CPPED1: variants seen among roughly 807,000 people sequenced by gnomAD.
CPPED1 encodes the protein serine/threonine-protein phosphatase CPPED1.
A neutral mutation model predicts 28.0 loss-of-function variants in CPPED1; 28 were observed. The observed-to-expected ratio is 1.00, with a 90% CI of 0.74 to 1.37. The LOEUF is 1.37. Ranked by LOEUF, CPPED1 falls within the 40% of genes most tolerant of loss-of-function variation. The pLI is 0.00. For missense variants in CPPED1, 504 were observed against 416.5 expected (o/e 1.21, Z -1.83); for synonymous variants, 198 against 180.2 (o/e 1.10, Z -0.79).
intron 2 of CPPED1, among the ~76,000 whole-genome samples, chr16:12,773,130 G>A (rs77513705): frequency 0.025 from 3,774 of 152,264 alleles, 97 homozygotes; most frequent in East Asian, 0.13. Context: ...CCAAACGAAA[G>A]AAGCCATTGT....
chr16:12,696,776 C>G (rs1031324242), intron 3 of CPPED1, among the ~76,000 whole-genome samples: 1 of 152,060 alleles, frequency 6.6e-6, no homozygotes, highest in Admixed American at 6.6e-5. Flanking sequence ...TATGACTCTC[C>G]TTAAGGGATA....
At chr16:12,794,342 A>C (rs2080614085) in intron 1 of CPPED1, among the ~76,000 whole-genome samples, 1 of 152,184 alleles carries the variant, frequency 6.6e-6, no homozygotes, top group African/African-American at 2.4e-5. Flanking sequence ...TGAATCAGAA[A>C]GAAGCCCAAA....
intron 2 of CPPED1, among the ~76,000 whole-genome samples, chr16:12,763,824 G>A (rs1053547126): frequency 6.6e-6 from 1 of 152,148 alleles, no homozygotes; most frequent in Non-Finnish European, 1.5e-5. Flanking sequence ...GACACAGTCT[G>A]AGCCTCAAAT....
intron 2 of CPPED1, among the ~76,000 whole-genome samples, chr16:12,768,871 T>TC (rs898011341): frequency 1.5e-4 from 22 of 151,030 alleles, no homozygotes; most frequent in Non-Finnish European, 2.5e-4. Context: ...CTTTTTCTTT[T>TC]TTTTTTTTTT....
At chr16:12,764,286 C>T (rs184176175) in intron 2 of CPPED1, among the ~76,000 whole-genome samples, 58 of 152,034 alleles carry the variant, frequency 3.8e-4, no homozygotes, top group African/African-American at 1.3e-3. Context: ...TTACTGCAAC[C>T]TCCACTTCCC....
chr16:12,792,522 C>T (rs1390150187), intron 1 of CPPED1, among the ~76,000 whole-genome samples: 2 of 152,082 alleles, frequency 1.3e-5, no homozygotes, highest in African/African-American at 2.4e-5. Flanking sequence ...CCACAGGAAT[C>T]CCCCCAGATA....
chr16:12,698,161 C>G (rs116260123), intron 3 of CPPED1, among the ~76,000 whole-genome samples: 1 of 152,098 alleles, frequency 6.6e-6, no homozygotes, highest in South Asian at 2.1e-4. Context: ...ACAAGTGATA[C>G]GGATATTACC....
chr16:12,691,850 C>G (rs113629475), intron 3 of CPPED1, among the ~76,000 whole-genome samples: 2 of 132,682 alleles, frequency 1.5e-5, no homozygotes, highest in African/African-American at 6.8e-5. Flanking sequence ...CATTAGGAGA[C>G]ATGCCTAATG....
chr16:12,723,178 G>A (rs1596460423), intron 2 of CPPED1, among the ~76,000 whole-genome samples: 1 of 152,278 alleles, frequency 6.6e-6, no homozygotes, highest in South Asian at 2.1e-4. Flanking sequence ...ACATACACAT[G>A]CACACAGGGT....
At chr16:12,797,777 GCCAT>G (rs368794005) in intron 1 of CPPED1, among the ~76,000 whole-genome samples, 120 of 152,060 alleles carry the variant, frequency 7.9e-4, no homozygotes, top group African/African-American at 2.8e-3. Flanking sequence ...CACATTCAAA[GCCAT>G]CCTGGGCCAC....
chr16:12,693,040 C>T (rs774662956), intron 3 of CPPED1, among the ~76,000 whole-genome samples: 37 of 152,196 alleles, frequency 2.4e-4, no homozygotes, highest in Non-Finnish European at 4.9e-4. Flanking sequence ...TTCCTCTTAC[C>T]GTGCCTATGA....
chr16:12,687,644 A>C (rs916355527), intron 3 of CPPED1, among the ~76,000 whole-genome samples: 2 of 152,122 alleles, frequency 1.3e-5, no homozygotes, highest in African/African-American at 4.8e-5. Flanking sequence ...GGTGGCGAGC[A>C]CCTATAATCC....
intron 2 of CPPED1, among the ~76,000 whole-genome samples, chr16:12,721,609 C>A (rs950781559): frequency 6.6e-6 from 1 of 151,862 alleles, no homozygotes; most frequent in Non-Finnish European, 1.5e-5. Context: ...AAAAATTAGC[C>A]GGGCATGGTA....
rs1031280139 is a variant in CPPED1, at chr16:12,660,136, C to G, written c.*4750G>C. Reference sequence around the variant, plus strand: ...GTGGAGACACAGAGCCAAACCATATCAAGCAGGAAGGCCACTTTCAGGGGT... The same window carrying G: ...GTGGAGACACAGAGCCAAACCATATGAAGCAGGAAGGCCACTTTCAGGGGT... On this transcript the variant is annotated 3_prime_UTR_variant, in exon 4 of 4. Coordinates refer to ENST00000381774, the MANE Select transcript of CPPED1 (RefSeq NM_018340.3). The G allele has an allele frequency of 6.6e-6, 1 of 152,152 alleles. No individual in the cohort carries two copies. The highest frequency in any genetic ancestry group is 2.4e-5 in the African/African-American group (1 of 41,428). 9.4% of individuals were successfully genotyped at this position (152,152 alleles called of 1,614,324 possible). A position where few individuals can be genotyped will look rare whatever the true frequency, so the allele number is the denominator to read the frequency against.
At chr16:12,788,033 C>G (rs2080574750) in intron 1 of CPPED1, among the ~76,000 whole-genome samples, 1 of 152,210 alleles carries the variant, frequency 6.6e-6, no homozygotes, top group Admixed American at 6.5e-5. Context: ...TCCTCACTGG[C>G]TGCTGCCTGG....
At chr16:12,699,480 C>T (rs577689098) in intron 3 of CPPED1, among the ~76,000 whole-genome samples, 107 of 152,162 alleles carry the variant, frequency 7.0e-4, no homozygotes, top group Non-Finnish European at 7.6e-4. Flanking sequence ...CCCTCCTCCT[C>T]GTTTATCTCA....
chr16:12,770,201 C>T (rs1196190384), intron 2 of CPPED1, among the ~76,000 whole-genome samples: 1 of 152,122 alleles, frequency 6.6e-6, no homozygotes, highest in Non-Finnish European at 1.5e-5. Flanking sequence ...CAGAGAACTG[C>T]TAAGAGAACG....
intron 3 of CPPED1, among the ~76,000 whole-genome samples, chr16:12,693,500 T>TA (rs2079974265): frequency 6.6e-6 from 1 of 151,846 alleles, no homozygotes; most frequent in African/African-American, 2.4e-5. Context: ...CTGGCCATGC[T>TA]ATTTTTTTTT....
At chr16:12,669,899 T>C (rs906915799) in intron 3 of CPPED1, among the ~76,000 whole-genome samples, 2 of 152,178 alleles carry the variant, frequency 1.3e-5, no homozygotes, top group African/African-American at 2.4e-5. Context: ...CGATGGGGTA[T>C]GGCAAATGGA....
Sources: allele counts gnomAD v4.1 joint callset (sites outside exome capture counted in the v4.1 genomes callset), GRCh38; gene constraint gnomAD v4.1.1; transcripts MANE v1.5; gene names NCBI Gene and HGNC (gene_info 2026-07-23, HGNC 2026-07-21).